SLC25A32: variants seen among roughly 807,000 people sequenced by gnomAD.
SLC25A32 encodes Glycine auxotroph B, complementation of hamster.
A neutral mutation model predicts 39.0 loss-of-function variants in SLC25A32; 32 were observed. The observed-to-expected ratio is 0.82, with a 90% CI of 0.62 to 1.10. The LOEUF (loss-of-function observed/expected upper bound fraction) is 1.10, where lower values mean the gene tolerates loss of function less well. Among genes scored for constraint, SLC25A32 ranks in the 50% least tolerant of loss-of-function variants. The pLI, the probability that SLC25A32 is intolerant of heterozygous loss-of-function variation, is 0.00. For synonymous variants in SLC25A32, 166 were observed against 152.4 expected, an observed-to-expected ratio of 1.09 and a Z score of -0.66; for missense variants, 367 against 395.3, an observed-to-expected ratio of 0.93 and a Z score of 0.61.
intron 1 of SLC25A32, 195 bp downstream of exon 1, chr8:103,414,589 G>C: frequency 1.4e-6 from 1 of 699,004 alleles, no homozygotes. Flanking sequence ...CCCTCTCTTA[G>C]TCTTGAGGAG....
chr8:103,408,151 TA>T (rs945757700), intron 1 of SLC25A32, among the ~76,000 whole-genome samples: 3 of 150,292 alleles, frequency 2.0e-5, no homozygotes, highest in African/African-American at 7.3e-5. Context: ...CTAATTTTTG[TA>T]TTTTTTTTTT....
At chr8:103,408,987 A>C (rs1816400079) in intron 1 of SLC25A32, among the ~76,000 whole-genome samples, 1 of 152,210 alleles carries the variant, frequency 6.6e-6, no homozygotes, top group Non-Finnish European at 1.5e-5. Context: ...CTAGATTATA[A>C]ATCTGGCACT....
chr8:103,402,948 C>T (rs757792868), intron 4 of SLC25A32, among the ~76,000 whole-genome samples: 2 of 152,062 alleles, frequency 1.3e-5, no homozygotes, highest in Non-Finnish European at 2.9e-5. Context: ...ATCTCATGCC[C>T]ACCAATGTCA....
chr8:103,414,795 A>C lies in SLC25A32; in HGVS notation c.143T>G (p.Ile48Ser), dbSNP rs567748395. The change falls in exon 1 of 7, where the codon ATC becomes AGC. Residue 48 changes from isoleucine to serine, a missense_variant. Coordinates refer to ENST00000297578, the MANE Select transcript of SLC25A32 (RefSeq NM_030780.5). ...GGGCGGGCTCTTACCGGCGAAGCGG[A>C]TCTTCACGAGGTCGAGCGGATGCAG... ...LALHPLDLVK[I>S]RFAVSDGLEL... 6.2e-7 allele frequency: 1 copy of C among 1,613,732 alleles called. No individual in the cohort carries two copies. The highest frequency in any genetic ancestry group is 8.5e-7 in the Non-Finnish European group (1 of 1,180,020).
intron 1 of SLC25A32, among the ~76,000 whole-genome samples, chr8:103,411,645 G>A (rs1325554070): frequency 6.6e-6 from 1 of 151,808 alleles, no homozygotes; most frequent in Non-Finnish European, 1.5e-5. Flanking sequence ...AATTTCCTTG[G>A]CCCCCTTTTC....
chr8:103,405,444 T>C (rs1052324081), intron 2 of SLC25A32, among the ~76,000 whole-genome samples: 1 of 152,102 alleles, frequency 6.6e-6, no homozygotes, highest in African/African-American at 2.4e-5. Context: ...AGGCACAGTT[T>C]CAACAAGGAA....
At chr8:103,407,962 T>TATATATATTAC (rs1358828385) in intron 1 of SLC25A32, among the ~76,000 whole-genome samples, 178 bp from the exon 2 acceptor site, 14 of 147,420 alleles carry the variant, frequency 9.5e-5, no homozygotes, top group African/African-American at 3.2e-4. Flanking sequence ...TATATAAATA[T>TATATATATTAC]ATATATATAT....
rs930733171 is a variant in SLC25A32, at chr8:103,404,477, C to T, written c.391+299G>A. The stretch of plus-strand genomic sequence containing the variant: ...GGGCGTGGTGGCACGTGTCTGTAGT[C>T]CCAGCTACTCAGGAGGCTGAGGCAG... On this transcript the variant is annotated intron_variant, in intron 3 of 6. Transcript: ENST00000297578. 8.5e-5 allele frequency among the ~76,000 whole-genome samples: 13 copies of T among 152,184 alleles called. No individual in the cohort carries two copies. The South Asian group carries it at 2.5e-3, about 29-fold the overall frequency.
At chr8:103,406,618 G>A (rs866118719) in intron 2 of SLC25A32, among the ~76,000 whole-genome samples, 1 of 152,352 alleles carries the variant, frequency 6.6e-6, no homozygotes. Flanking sequence ...AGTAAGGAAA[G>A]CAATGAGCTG....
intron 1 of SLC25A32, 71 bp downstream of exon 1, chr8:103,414,713 G>A: frequency 6.3e-7 from 1 of 1,595,480 alleles, no homozygotes; most frequent in East Asian, 2.2e-5. Context: ...CCCTAGAACG[G>A]AAAAGACGGA....
At chr8:103,407,412 T>C (rs1816356005) in intron 2 of SLC25A32, among the ~76,000 whole-genome samples, 1 of 152,206 alleles carries the variant, frequency 6.6e-6, no homozygotes, top group Non-Finnish European at 1.5e-5. Flanking sequence ...TAATAGCTAA[T>C]AAGCCATTAG....
At chr8:103,403,452 T>C in intron 3 of SLC25A32, 128 bp from the exon 4 acceptor site, 1 of 551,022 alleles carries the variant, frequency 1.8e-6, no homozygotes, top group Non-Finnish European at 3.0e-6. Context: ...GGACCATATC[T>C]GAAACTGTGA....
Position 103,407,706 on chromosome 8 carries a change from A to C in SLC25A32, c.233T>G (p.Leu78Arg), listed in dbSNP as rs1816361401. ...GGTTACTCCTTGATAAAGTCCCCGT[A>C]GTCCATCAAGTTTCCAAATGGTAGT... ...CLTTIWKLDG[L>R]RGLYQGVTPN... The change falls in exon 2 of 7, where the codon CTA becomes CGA. Residue 78 changes from leucine (L) to arginine (R), a missense_variant. By Grantham distance (102) the Leu-to-Arg change is moderately radical. Transcript: ENST00000297578. 6.2e-7 allele frequency: 1 copy of C among 1,613,078 alleles called. No homozygotes were observed. Among genetic ancestry groups the C allele is most frequent in the Non-Finnish European group, 8.5e-7 (1 of 1,179,448 alleles).
rs554691618 is a variant in SLC25A32, at chr8:103,404,650, T to C, written c.391+126A>G. The C allele has an allele frequency of 4.4e-5, 25 of 562,250 alleles. No homozygotes were observed. The East Asian group carries it at 4.5e-4, about 10-fold the overall frequency. 34.8% of individuals were successfully genotyped at this position (562,250 alleles called of 1,614,324 possible). A position where few individuals can be genotyped will look rare whatever the true frequency, so the allele number is the denominator to read the frequency against. On this transcript the variant is annotated intron_variant, in intron 3 of 6. Coordinates refer to ENST00000297578, the MANE Select transcript of SLC25A32 (RefSeq NM_030780.5). Reference sequence around the variant, plus strand: ...ACAAACAAAAAAAACAGAAATTCCATGTAACTGATTTAATACAGTTAGATG... The same window carrying C: ...ACAAACAAAAAAAACAGAAATTCCACGTAACTGATTTAATACAGTTAGATG...
Position 103,399,308 on chromosome 8 carries a change from A to G in SLC25A32, c.*1103T>C, listed in dbSNP as rs1563715662. 2.0e-5 allele frequency: 3 copies of G among 152,238 alleles called. No homozygotes were observed. The highest frequency in any genetic ancestry group is 2.1e-4 in the South Asian group (1 of 4,830). The allele number at this position is 152,238 out of a possible 1,614,324, so 9.4% of individuals were successfully genotyped here. A position where few individuals can be genotyped will look rare whatever the true frequency, so the allele number is the denominator to read the frequency against. ...AAAGGTGATCTATTTAGCATCTGTAATAAGTGATTTATAGTTATATATGCT... is the reference window on the plus strand; with the variant it reads ...AAAGGTGATCTATTTAGCATCTGTAGTAAGTGATTTATAGTTATATATGCT... On this transcript the variant is annotated 3_prime_UTR_variant, in exon 7 of 7. Transcript: ENST00000297578.
In SLC25A32 at chr8:103,407,747, T is replaced by G. The variant is rs779365613; in HGVS notation, c.192A>C (p.Gly64=). The G allele has an allele frequency of 4.3e-6, 7 of 1,613,322 alleles. No individual in the cohort carries two copies. The change falls in exon 2 of 7, where the codon GGA becomes GGC. Residue 64 remains glycine (G), a synonymous_variant. Transcript: ENST00000297578. ...AAATGGTAGTCAAGCAATGTAAAATTCCATTATATTTCGGTCTCAGTTCCA... is the reference window on the plus strand; with the variant it reads ...AAATGGTAGTCAAGCAATGTAAAATGCCATTATATTTCGGTCTCAGTTCCA... The part of the protein sequence containing the change: ...DGLELRPKYN[G]ILHCLTTIWK...
rs891921436 is a variant in SLC25A32 at position 103,399,983 on chromosome 8, C to T, written c.*428G>A. Reference sequence around the variant, plus strand: ...CTTATTCAGTAAATCCTTAATTTACCTTGAGACATACAAAGACATTCTTTT... The same window carrying T: ...CTTATTCAGTAAATCCTTAATTTACTTTGAGACATACAAAGACATTCTTTT... On this transcript the variant is annotated 3_prime_UTR_variant, in exon 7 of 7. Coordinates refer to ENST00000297578, the MANE Select transcript of SLC25A32 (RefSeq NM_030780.5). 5 of 164,140 alleles carry T rather than the reference C, an allele frequency of 3.0e-5. No homozygotes were observed. Among genetic ancestry groups the T allele is most frequent in the African/African-American group, 1.2e-4 (5 of 41,512 alleles). The allele number at this position is 164,140 out of a possible 1,614,324, so 10.2% of individuals were successfully genotyped here.
In SLC25A32 at chr8:103,403,395, A is replaced by C. The variant is rs73287915; in HGVS notation, c.392-71T>G. On this transcript the variant is annotated intron_variant, in intron 3 of 6. Coordinates refer to ENST00000297578, the MANE Select transcript of SLC25A32 (RefSeq NM_030780.5). ...GCACTTATGACAACCCAAATTAGAA[A>C]CAGTACATTTATGTAAAAAAAAAAA... The C allele has an allele frequency of 2.2e-4, 190 of 875,956 alleles. No homozygotes were observed. The African/African-American group carries it at 3.1e-3, about 14-fold the overall frequency. 54.3% of individuals were successfully genotyped at this position (875,956 alleles called of 1,614,324 possible).
intron 2 of SLC25A32, among the ~76,000 whole-genome samples, chr8:103,406,935 G>C (rs935908513): frequency 6.6e-6 from 1 of 152,164 alleles, no homozygotes; most frequent in African/African-American, 2.4e-5. Context: ...AAATAACTTA[G>C]TTATTTAAAC....
Sources: gnomAD v4.1 joint callset for allele counts (sites outside exome capture counted in the v4.1 genomes callset) on GRCh38, gnomAD v4.1.1 for gene constraint, MANE v1.5 for transcripts, NCBI Gene and HGNC (gene_info 2026-07-23, HGNC 2026-07-21) for gene names.